PLAA: variants seen among roughly 807,000 people sequenced by gnomAD.
PLAA encodes the protein phospholipase A-2-activating protein.
PLAA carries 48 observed loss-of-function variants against 84.1 expected under a neutral mutation model. The ratio of observed to expected loss-of-function variants is 0.57; its 90% CI spans 0.45 to 0.73. PLAA has a LOEUF of 0.73. Ranked by LOEUF, PLAA falls within the 30% of genes least tolerant of loss-of-function variation. PLAA has a pLI of 0.00. For synonymous variants in PLAA, 392 were observed against 336.6 expected (o/e 1.16, Z -1.80); for missense variants, 903 against 954.7 (o/e 0.95, Z 0.71).
At chr9:26,922,964 T>C (rs543246540) in intron 7 of PLAA, among the ~76,000 whole-genome samples, 16 of 152,350 alleles carry the variant, frequency 1.1e-4, no homozygotes, top group African/African-American at 3.6e-4. Flanking sequence ...GATTTATTTT[T>C]TAATTCCTGT....
At chr9:26,937,749 T>C (rs1172238256) in intron 1 of PLAA, among the ~76,000 whole-genome samples, 1 of 151,816 alleles carries the variant, frequency 6.6e-6, no homozygotes. Context: ...AAAGGTATGA[T>C]AACTGAAATG....
intron 11 of PLAA, among the ~76,000 whole-genome samples, chr9:26,911,284 T>G (rs566533723): frequency 1.3e-5 from 2 of 152,026 alleles, no homozygotes; most frequent in Non-Finnish European, 2.9e-5. Flanking sequence ...TCCAGAATAG[T>G]TGGGATTACA....
chr9:26,907,191 C>T (rs894954671), intron 13 of PLAA, among the ~76,000 whole-genome samples: 1 of 151,734 alleles, frequency 6.6e-6, no homozygotes, highest in Non-Finnish European at 1.5e-5. Context: ...TAACAGGTCA[C>T]TAAGAGTATC....
intron 6 of PLAA, among the ~76,000 whole-genome samples, chr9:26,925,065 A>T (rs974855177): frequency 6.6e-6 from 1 of 152,058 alleles, no homozygotes; most frequent in South Asian, 2.1e-4. Context: ...TTTCTTTCAT[A>T]CTTTTTCTGA....
In PLAA at chr9:26,946,991, G is replaced by C. The variant is rs777547162; in HGVS notation, c.55C>G (p.Leu19Val). The change falls in exon 1 of 14, where the codon CTG (leucine) becomes GTG (valine). Residue 19 changes from leucine to valine, a missense_variant. Coordinates refer to ENST00000397292, the MANE Select transcript of PLAA (RefSeq NM_001031689.3). ...RLSCSLRGHE[L>V]DVRGLVCCAY... is the part of the protein sequence containing the mutation. ...CAGCACACCAGGCCCCGTACGTCCA[G>C]CTCGTGGCCCCGGAGCGAGCAGCTC... 2.5e-6 allele frequency: 4 copies of C among 1,595,082 alleles called. No individual in the cohort carries two copies. Among genetic ancestry groups the C allele is most frequent in the Non-Finnish European group, 3.4e-6 (4 of 1,171,600 alleles).
Position 26,938,331 on chromosome 9 carries a change from C to G in PLAA, c.150-3125G>C, listed in dbSNP as rs910050991. The stretch of plus-strand genomic sequence containing the variant: ...GAGGCTGCAGAGTGCTGCGACCACA[C>G]TCAAGAACAGCCACTGCATTCCAGC... On this transcript the variant is annotated intron_variant, in intron 1 of 13. Transcript: ENST00000397292. Among the ~76,000 whole-genome samples the G allele has an allele frequency of 2.0e-5, 3 of 152,080 alleles. No individual in the cohort carries two copies. In the East Asian group the frequency reaches 5.8e-4, roughly 29 times the overall value.
intron 4 of PLAA, among the ~76,000 whole-genome samples, 162 bp from the exon 5 acceptor site, chr9:26,926,722 A>G (rs968565982): frequency 2.0e-5 from 3 of 152,136 alleles, no homozygotes; most frequent in African/African-American, 4.8e-5. Flanking sequence ...CAAAATTTGT[A>G]TTTAAGGTTT....
intron 1 of PLAA, among the ~76,000 whole-genome samples, chr9:26,946,231 C>T (rs1463089847): frequency 6.6e-6 from 1 of 152,242 alleles, no homozygotes; most frequent in East Asian, 1.9e-4. Flanking sequence ...AGGGCTGAAC[C>T]CGTGAACTCG....
Position 26,925,807 on chromosome 9 carries a change from T to C in PLAA, c.869+18A>G, listed in dbSNP as rs778777759. On this transcript the variant is annotated intron_variant, in intron 6 of 13. Transcript: ENST00000397292. ...GCCTAGACATATAACATTTAATGAT[T>C]GACTAGAATATAAATACCTCGCACC... is the stretch of plus-strand genomic sequence containing the variant. The C allele has an allele frequency of 5.0e-6, 8 of 1,611,846 alleles. No homozygotes were observed. The highest frequency in any genetic ancestry group is 1.1e-5 in the South Asian group (1 of 90,956).
intron 8 of PLAA, 141 bp downstream of exon 8, chr9:26,920,086 G>A (rs770254781): frequency 1.6e-6 from 1 of 620,384 alleles, no homozygotes. Flanking sequence ...TTTCAAGACA[G>A]GGAAAAAAAA....
chr9:26,905,432 A>T lies in PLAA; in HGVS notation c.*79T>A. ...TTAATCCACCGTATTCTCTTTTTTT[A>T]ATTATCTGTTATCAGTCATGTCAAA... On this transcript the variant is annotated 3_prime_UTR_variant, in exon 14 of 14. Coordinates refer to ENST00000397292, the MANE Select transcript of PLAA (RefSeq NM_001031689.3). 2 of 1,067,620 alleles carry T rather than the reference A, an allele frequency of 1.9e-6. No individual in the cohort carries two copies. Among genetic ancestry groups the T allele is most frequent in the Admixed American group, 4.7e-5 (2 of 42,738 alleles). The allele number at this position is 1,067,620 out of a possible 1,614,324, so 66.1% of individuals were successfully genotyped here. A position where few individuals can be genotyped will look rare whatever the true frequency, so the allele number is the denominator to read the frequency against.
intron 2 of PLAA, among the ~76,000 whole-genome samples, chr9:26,931,596 G>C (rs1825187231): frequency 6.6e-6 from 1 of 152,028 alleles, no homozygotes; most frequent in African/African-American, 2.4e-5. Context: ...AAAGCTACTA[G>C]ATCTATTTAA....
intron 1 of PLAA, among the ~76,000 whole-genome samples, chr9:26,946,197 T>C (rs1316157218): frequency 6.6e-6 from 1 of 152,182 alleles, no homozygotes; most frequent in Non-Finnish European, 1.5e-5. Flanking sequence ...AGGTCTTAAA[T>C]ATCCTGTTAC....
chr9:26,920,426 G>A, intron 7 of PLAA, 42 bp from the exon 8 acceptor site: 1 of 1,332,554 alleles, frequency 7.5e-7, no homozygotes, highest in Non-Finnish European at 1.0e-6. Context: ...GAATGGCAAT[G>A]TAAAATTGAA....
intron 1 of PLAA, 44 bp from the exon 2 acceptor site, chr9:26,935,250 CT>C: frequency 7.6e-7 from 1 of 1,314,658 alleles, no homozygotes; most frequent in Non-Finnish European, 1.0e-6. Context: ...CGTACCCTGA[CT>C]TAGCCTAGGA....
chr9:26,932,343 T>A (rs2131406380), intron 2 of PLAA, among the ~76,000 whole-genome samples: 1 of 152,352 alleles, frequency 6.6e-6, no homozygotes. Flanking sequence ...TTTGTATACC[T>A]AACAAACTAA....
chr9:26,936,520 C>T (rs1825364067), intron 1 of PLAA, among the ~76,000 whole-genome samples: 1 of 152,196 alleles, frequency 6.6e-6, no homozygotes, highest in African/African-American at 2.4e-5. Context: ...CTTGCAACTT[C>T]TAGGGGAAGG....
chr9:26,939,985 C>T (rs1209019620), intron 1 of PLAA, among the ~76,000 whole-genome samples: 2 of 152,034 alleles, frequency 1.3e-5, no homozygotes, highest in Non-Finnish European at 2.9e-5. Context: ...AATAATCAGA[C>T]AGAAAACATG....
intron 11 of PLAA, 40 bp from the exon 12 acceptor site, chr9:26,910,479 G>T: frequency 6.8e-7 from 1 of 1,459,904 alleles, no homozygotes; most frequent in Non-Finnish European, 9.5e-7. Context: ...CACAAGGAGT[G>T]ATCAAAAATG....
Sources: allele counts gnomAD v4.1 joint callset (sites outside exome capture counted in the v4.1 genomes callset), GRCh38; gene constraint gnomAD v4.1.1; transcripts MANE v1.5; gene names NCBI Gene and HGNC (gene_info 2026-07-23, HGNC 2026-07-21).